Variants in BNIP5 observed in about 807,000 individuals in gnomAD.
The protein encoded by BNIP5 is BCL2 interacting protein 5, also known as protein BNIP5.
A neutral mutation model predicts 67.3 loss-of-function variants in BNIP5; 61 were observed. The ratio of observed to expected loss-of-function variants is 0.91; its 90% CI spans 0.74 to 1.12. The LOEUF (loss-of-function observed/expected upper bound fraction) is 1.12, where lower values mean the gene tolerates loss of function less well. Among genes scored for constraint, BNIP5 ranks in the 50% most tolerant of loss-of-function variants. The pLI, the probability that BNIP5 is intolerant of heterozygous loss-of-function variation, is 0.00. For synonymous variants in BNIP5, 317 were observed against 319.0 expected (o/e 0.99, Z 0.07); for missense variants, 826 against 816.3 (o/e 1.01, Z -0.14).
At position 36,316,339 on chromosome 6, in the gene BNIP5, T is replaced by A. The variant is rs1771514233; in HGVS notation, c.*1017A>T. The A allele has an allele frequency of 2.5e-6, 1 of 396,708 alleles. No individual in the cohort carries two copies. Among genetic ancestry groups the A allele is most frequent in the Non-Finnish European group, 4.4e-6 (1 of 225,466 alleles). 24.6% of individuals were successfully genotyped at this position (396,708 alleles called of 1,614,324 possible). ...ACATGTGGCAAATTTCACACCTGAG[T>A]CAAGCTATTGAAACTGTTGAGCTAT... On this transcript the variant is annotated 3_prime_UTR_variant, in exon 12 of 12. Transcript: ENST00000437635.
chr6:36,332,753 G>C (rs1771935463), intron 1 of BNIP5, among the ~76,000 whole-genome samples: 1 of 152,130 alleles, frequency 6.6e-6, no homozygotes, highest in Non-Finnish European at 1.5e-5. Context: ...CCTAGGTGTG[G>C]GCAGTGCATT....
At chr6:36,332,493 A>C (rs1232737877) in intron 1 of BNIP5, among the ~76,000 whole-genome samples, 1 of 152,218 alleles carries the variant, frequency 6.6e-6, no homozygotes, top group African/African-American at 2.4e-5. Context: ...AGTGCCTAGA[A>C]CAATGTCTAG....
intron 5 of BNIP5, 124 bp from the exon 6 acceptor site, chr6:36,325,538 G>A (rs985068673): frequency 1.7e-6 from 2 of 1,173,966 alleles, no homozygotes; most frequent in Non-Finnish European, 2.4e-6. Flanking sequence ...TATGGGGCTG[G>A]AAGACAGCTG....
intron 10 of BNIP5, among the ~76,000 whole-genome samples, chr6:36,320,716 A>C (rs1361321210): frequency 6.6e-6 from 1 of 152,254 alleles, no homozygotes; most frequent in African/African-American, 2.4e-5. Flanking sequence ...CAAGCTTGAA[A>C]GAATGAGAGA....
At chr6:36,326,972 A>AGAG in intron 4 of BNIP5, 58 bp downstream of exon 4, 1 of 1,503,416 alleles carries the variant, frequency 6.7e-7, no homozygotes, top group Non-Finnish European at 9.3e-7. Flanking sequence ...GGAGCTTGGC[A>AGAG]GAGGAGGAGG....
chr6:36,335,665 C>T (rs1451332136), intron 1 of BNIP5, among the ~76,000 whole-genome samples: 1 of 152,326 alleles, frequency 6.6e-6, no homozygotes, highest in African/African-American at 2.4e-5. Context: ...TGCAGCCACA[C>T]GGCGTCCAGA....
At chr6:36,333,680 G>A (rs1771951226) in intron 1 of BNIP5, among the ~76,000 whole-genome samples, 1 of 152,236 alleles carries the variant, frequency 6.6e-6, no homozygotes, top group Non-Finnish European at 1.5e-5. Context: ...ACACAGTGAT[G>A]ACAGCAATGT....
chr6:36,316,834 GGGAGGC>G lies in BNIP5; in HGVS notation c.*516_*521del. ...TCCATCTTGGGCCTGCAGAGTTCCT[GGGAGGC>G]ATCTACAAATCCATATGAGCATGAA... On this transcript the variant is annotated 3_prime_UTR_variant, in exon 12 of 12. Coordinates refer to ENST00000437635, the MANE Select transcript of BNIP5 (RefSeq NM_001010903.5). 2.5e-6 allele frequency: 1 copy of G among 400,344 alleles called. No homozygotes were observed. Among genetic ancestry groups the G allele is most frequent in the Non-Finnish European group, 4.4e-6 (1 of 227,250 alleles). 24.8% of individuals were successfully genotyped at this position (400,344 alleles called of 1,614,324 possible). A position where few individuals can be genotyped will look rare whatever the true frequency, so the allele number is the denominator to read the frequency against.
chr6:36,329,388 T>C (rs1392202946), intron 2 of BNIP5, among the ~76,000 whole-genome samples: 1 of 152,234 alleles, frequency 6.6e-6, no homozygotes, highest in East Asian at 1.9e-4. Flanking sequence ...TTTATCTTCA[T>C]TTTATCCATG....
intron 1 of BNIP5, among the ~76,000 whole-genome samples, chr6:36,335,814 T>A (rs1772004043): frequency 6.6e-6 from 1 of 152,108 alleles, no homozygotes; most frequent in Non-Finnish European, 1.5e-5. Flanking sequence ...GAGCTGAGAC[T>A]CTCCCACTTC....
chr6:36,325,285 T>A lies in BNIP5; in HGVS notation c.1166A>T (p.Tyr389Phe), dbSNP rs555836101. The part of the protein sequence containing the change: ...EELPLDRASE[Y>F]KEFIQKIISM... ...GAGAAAAAGAGAGGAGTACTGACTG[T>A]ATTCCGAGGCTCTGTCCAGCGGAAG... Residue 389 changes from tyrosine to phenylalanine, a missense_variant and splice_region_variant, in exon 6 of 12, where the codon TAC becomes TTC. Transcript: ENST00000437635. 1.9e-6 allele frequency: 3 copies of A among 1,614,092 alleles called. No homozygotes were observed. The highest frequency in any genetic ancestry group is 2.2e-5 in the South Asian group (2 of 91,086).
intron 4 of BNIP5, 46 bp downstream of exon 4, chr6:36,326,984 G>C: frequency 6.5e-7 from 1 of 1,548,306 alleles, no homozygotes; most frequent in Non-Finnish European, 8.9e-7. Context: ...AGGAGGAGGA[G>C]GAGAAGGCAG....
At chr6:36,330,800 A>T (rs148418963) in intron 1 of BNIP5, 106 bp from the exon 2 acceptor site, 1 of 1,407,964 alleles carries the variant, frequency 7.1e-7, no homozygotes, top group Non-Finnish European at 9.3e-7. Context: ...GCCTCGGTCT[A>T]TTGCCCAGGC....
intron 2 of BNIP5, 72 bp from the exon 3 acceptor site, chr6:36,328,786 TG>T (rs1771820449): frequency 2.1e-6 from 2 of 943,688 alleles, no homozygotes; most frequent in Non-Finnish European, 3.5e-6. Flanking sequence ...CTCCTGACTT[TG>T]TTCATCAACA....
Position 36,330,336 on chromosome 6 carries a change from C to T in BNIP5, c.355G>A (p.Ala119Thr). 1 of 1,614,246 alleles carries T rather than the reference C, an allele frequency of 6.2e-7. No homozygotes were observed. The highest frequency in any genetic ancestry group is 8.5e-7 in the Non-Finnish European group (1 of 1,180,046). ...TCCTTCCCCCTTGGCCTCCTGCTGGCCTTTTCTCTGGGCTCCTCAGGGCCC... is the reference window on the plus strand; with the variant it reads ...TCCTTCCCCCTTGGCCTCCTGCTGGTCTTTTCTCTGGGCTCCTCAGGGCCC... ...RTGPEEPREK[A>T]SRRPRGKEGI... Residue 119 changes from alanine (A) to threonine (T), a missense_variant, in exon 2 of 12, where the codon GCC becomes ACC. Ala to Thr is a moderately conservative substitution (Grantham distance 58). Coordinates refer to ENST00000437635, the MANE Select transcript of BNIP5 (RefSeq NM_001010903.5).
intron 3 of BNIP5, among the ~76,000 whole-genome samples, chr6:36,327,896 C>T (rs370770840): frequency 2.0e-5 from 3 of 149,158 alleles, no homozygotes; most frequent in East Asian, 2.0e-4. Context: ...TGGCTTTTGT[C>T]GCTTGACTCA....
At chr6:36,330,001 C>T in intron 2 of BNIP5, 80 bp downstream of exon 2, 1 of 1,471,822 alleles carries the variant, frequency 6.8e-7, no homozygotes, top group Non-Finnish European at 9.0e-7. Flanking sequence ...CCGACTATCC[C>T]TGTCCCTCTG....
chr6:36,329,518 A>G (rs1771836276), intron 2 of BNIP5, among the ~76,000 whole-genome samples: 1 of 152,118 alleles, frequency 6.6e-6, no homozygotes, highest in South Asian at 2.1e-4. Flanking sequence ...CCTCAAAGAA[A>G]TGTCACAGTG....
rs756773124 is a variant in BNIP5, at chr6:36,330,538, C to T, written c.153G>A (p.Thr51=). 3.1e-6 allele frequency: 5 copies of T among 1,614,020 alleles called. No homozygotes were observed. The highest frequency in any genetic ancestry group is 1.7e-5 in the Admixed American group (1 of 60,022). The change falls in exon 2 of 12, where the codon ACG becomes ACA. Residue 51 remains threonine (T), a synonymous_variant. Transcript: ENST00000437635. ...TAPSRKALHW[T]TSDWARHSDS... ...CTGAATGTCTGGCCCAATCACTGGT[C>T]GTCCAGTGAAGCGCCTTCCTGGAGG... is the stretch of plus-strand genomic sequence containing the variant.
Sources: allele counts gnomAD v4.1 joint callset (sites outside exome capture counted in the v4.1 genomes callset), GRCh38; gene constraint gnomAD v4.1.1; transcripts MANE v1.5; gene names NCBI Gene and HGNC (gene_info 2026-07-23, HGNC 2026-07-21).